RUNDC3B: variants seen among roughly 807,000 people sequenced by gnomAD.
RUNDC3B encodes RUN domain-containing protein 3B.
Under a neutral mutation model 58.4 loss-of-function variants are expected in RUNDC3B, and 33 were observed. The observed-to-expected ratio is 0.56, with a 90% confidence interval of 0.43 to 0.75. The LOEUF is 0.75. Among genes scored for constraint, RUNDC3B ranks in the 30% least tolerant of loss-of-function variants. RUNDC3B has a pLI of 0.00. For missense variants in RUNDC3B, 501 were observed against 535.7 expected (o/e 0.94, Z 0.64); for synonymous variants, 193 against 195.2 (o/e 0.99, Z 0.10).
intron 2 of RUNDC3B, among the ~76,000 whole-genome samples, chr7:87,690,586 G>T (rs1029062981): frequency 6.6e-6 from 1 of 152,108 alleles, no homozygotes; most frequent in East Asian, 1.9e-4. Flanking sequence ...GATGAAAAAT[G>T]CTGTATAAAA....
intron 3 of RUNDC3B, among the ~76,000 whole-genome samples, chr7:87,702,166 A>AC (rs1829133932): frequency 6.7e-6 from 1 of 149,360 alleles, no homozygotes; most frequent in African/African-American, 2.5e-5. Context: ...AAAAAAAAAA[A>AC]AAAAAACAGA....
intron 5 of RUNDC3B, 61 bp downstream of exon 5, chr7:87,739,941 GA>G (rs1439598666): frequency 1.3e-6 from 1 of 766,266 alleles, no homozygotes; most frequent in Non-Finnish European, 2.1e-6. Context: ...TTCTACTTAT[GA>G]TTTTTTTCTT....
chr7:87,810,754 C>T (rs554458347), intron 9 of RUNDC3B, among the ~76,000 whole-genome samples: 10 of 152,150 alleles, frequency 6.6e-5, no homozygotes, highest in Admixed American at 1.3e-4. Context: ...TAGTTAGACC[C>T]GGCAAGCTAT....
chr7:87,708,250 C>CTA (rs1829779093), intron 3 of RUNDC3B, among the ~76,000 whole-genome samples: 1 of 152,018 alleles, frequency 6.6e-6, no homozygotes, highest in African/African-American at 2.4e-5. Flanking sequence ...TCTAGCAAGA[C>CTA]TATTCAAGAA....
chr7:87,730,702 G>A (rs192592417), intron 4 of RUNDC3B, among the ~76,000 whole-genome samples: 5 of 151,786 alleles, frequency 3.3e-5, no homozygotes, highest in African/African-American at 1.2e-4. Flanking sequence ...AGAGCCCTTG[G>A]GCCTTGAGAA....
At chr7:87,723,423 A>T (rs1831023236) in intron 4 of RUNDC3B, among the ~76,000 whole-genome samples, 1 of 152,202 alleles carries the variant, frequency 6.6e-6, no homozygotes, top group African/African-American at 2.4e-5. Context: ...CCCATTAGTA[A>T]ATAAGTTATA....
chr7:87,677,466 A>C (rs1254923901), intron 2 of RUNDC3B, among the ~76,000 whole-genome samples: 1 of 152,162 alleles, frequency 6.6e-6, no homozygotes, highest in Non-Finnish European at 1.5e-5. Flanking sequence ...ATGGAGCCTA[A>C]AAATAGTCAA....
At chr7:87,773,242 G>A (rs2130874341) in intron 7 of RUNDC3B, among the ~76,000 whole-genome samples, 1 of 148,992 alleles carries the variant, frequency 6.7e-6, no homozygotes, top group South Asian at 2.1e-4. Context: ...AGAATGGCAT[G>A]AACCCGCGAG....
At chr7:87,716,891 C>T (rs1218994836) in intron 4 of RUNDC3B, among the ~76,000 whole-genome samples, 2 of 152,218 alleles carry the variant, frequency 1.3e-5, no homozygotes, top group East Asian at 1.9e-4. Flanking sequence ...GGCTGCAGTG[C>T]AGTGGCACAG....
intron 10 of RUNDC3B, among the ~76,000 whole-genome samples, chr7:87,817,044 A>G (rs1461529703): frequency 6.6e-6 from 1 of 152,214 alleles, no homozygotes; most frequent in Non-Finnish European, 1.5e-5. Context: ...TCAGGTATAT[A>G]TGAGAGCTAG....
intron 4 of RUNDC3B, among the ~76,000 whole-genome samples, chr7:87,732,931 T>C (rs1050541589): frequency 6.6e-6 from 1 of 152,208 alleles, no homozygotes; most frequent in Admixed American, 6.5e-5. Flanking sequence ...TTCCATAACG[T>C]ATGATTAACA....
At chr7:87,821,840 G>A (rs1837461434) in intron 10 of RUNDC3B, among the ~76,000 whole-genome samples, 2 of 152,182 alleles carry the variant, frequency 1.3e-5, no homozygotes, top group African/African-American at 4.8e-5. Context: ...CTAGCCATAT[G>A]TAGAAAGCTG....
intron 2 of RUNDC3B, among the ~76,000 whole-genome samples, chr7:87,697,161 T>A (rs980629387): frequency 6.6e-6 from 1 of 152,226 alleles, no homozygotes; most frequent in Non-Finnish European, 1.5e-5. Context: ...ATCTTCTTGT[T>A]CATGGACAAC....
intron 2 of RUNDC3B, among the ~76,000 whole-genome samples, chr7:87,658,207 A>G (rs1824315771): frequency 6.6e-6 from 1 of 152,212 alleles, no homozygotes. Context: ...TGGAAGATAC[A>G]AAGAAGACCA....
At position 87,673,471 on chromosome 7, in the gene RUNDC3B, G is replaced by A. The variant is rs1375417108; in HGVS notation, c.238+22534G>A. Among the ~76,000 whole-genome samples the A allele has an allele frequency of 6.6e-5, 10 of 152,002 alleles. No homozygotes were observed. In the East Asian group the frequency reaches 1.9e-3, roughly 29 times the overall value. ...GCTAATTTCAAGAACCAGTCTTCAA[G>A]CATTGAGATTCTTTCCTCAGTTTGG... On this transcript the variant is annotated intron_variant, in intron 2 of 10. Coordinates refer to ENST00000394654, the MANE Select transcript of RUNDC3B (RefSeq NM_001134405.2).
chr7:87,772,779 A>G (rs1016564237), intron 7 of RUNDC3B, among the ~76,000 whole-genome samples: 2 of 152,176 alleles, frequency 1.3e-5, no homozygotes, highest in Non-Finnish European at 2.9e-5. Context: ...ACACCACCAT[A>G]AAAGTAAATG....
intron 2 of RUNDC3B, among the ~76,000 whole-genome samples, chr7:87,682,405 C>A (rs570387541): frequency 2.0e-5 from 3 of 152,278 alleles, no homozygotes; most frequent in African/African-American, 7.2e-5. Flanking sequence ...TTGCCCAGAT[C>A]CATCAGAAGA....
intron 8 of RUNDC3B, among the ~76,000 whole-genome samples, chr7:87,789,087 G>A (rs1250403842): frequency 6.6e-6 from 1 of 152,150 alleles, no homozygotes; most frequent in Non-Finnish European, 1.5e-5. Flanking sequence ...TCAGATAGAT[G>A]ATCTATTGTA....
At chr7:87,717,588 A>G (rs984184965) in intron 4 of RUNDC3B, among the ~76,000 whole-genome samples, 2 of 152,094 alleles carry the variant, frequency 1.3e-5, no homozygotes, top group African/African-American at 4.8e-5. Flanking sequence ...GAAAGATATA[A>G]TGATAATTTC....
Sources: allele counts gnomAD v4.1 joint callset (sites outside exome capture counted in the v4.1 genomes callset), GRCh38; gene constraint gnomAD v4.1.1; transcripts MANE v1.5; gene names NCBI Gene and HGNC (gene_info 2026-07-23, HGNC 2026-07-21).